RPTOR: variants seen among roughly 807,000 people sequenced by gnomAD.
RPTOR encodes the protein regulatory associated protein of MTOR complex 1.
In RPTOR, 21 loss-of-function variants were observed where a neutral mutation model predicts 169.9. That is an observed-to-expected ratio of 0.12 (90% CI 0.09 to 0.18). RPTOR has a LOEUF of 0.18. Ranked by LOEUF, RPTOR falls within the 10% of genes least tolerant of loss-of-function variation. The pLI is 1.00. For synonymous variants in RPTOR, 732 were observed against 753.2 expected (o/e 0.97, Z 0.46); for missense variants, 1,133 against 1,855.9 (o/e 0.61, Z 7.16).
At chr17:80,577,036 T>C (rs1236031896) in intron 1 of RPTOR, among the ~76,000 whole-genome samples, 1 of 151,304 alleles carries the variant, frequency 6.6e-6, no homozygotes, top group Admixed American at 6.6e-5. Flanking sequence ...CATAATTCTT[T>C]TTTTTTTTTT....
At chr17:80,694,390 A>T (rs1442597740) in intron 3 of RPTOR, among the ~76,000 whole-genome samples, 1 of 152,236 alleles carries the variant, frequency 6.6e-6, no homozygotes, top group Non-Finnish European at 1.5e-5. Context: ...CGCATGGTAG[A>T]TGTTTGTTCT....
chr17:80,801,168 G>C (rs2067152926), intron 7 of RPTOR, among the ~76,000 whole-genome samples: 1 of 152,228 alleles, frequency 6.6e-6, no homozygotes, highest in Admixed American at 6.5e-5. Flanking sequence ...GCTGCTGCTT[G>C]AGAGCACGTG....
chr17:80,844,342 G>C lies in RPTOR; in HGVS notation c.1213-2131G>C, dbSNP rs1160634178. On this transcript the variant is annotated intron_variant, in intron 10 of 33. Coordinates refer to ENST00000306801, the MANE Select transcript of RPTOR (RefSeq NM_020761.3). The surrounding 1 kb of genome is among the most constrained non-coding windows in gnomAD (Gnocchi z 4.7). ...AATTTTTCTCTTTCTGCATGGAGTA[G>C]TGACTCCAGCAGTGAGGAACATGTG... Among the ~76,000 whole-genome samples the C allele has an allele frequency of 6.6e-6, 1 of 152,104 alleles. No individual in the cohort carries two copies.
intron 1 of RPTOR, among the ~76,000 whole-genome samples, chr17:80,555,227 A>G (rs1041735534): frequency 1.8e-4 from 28 of 152,224 alleles, no homozygotes; most frequent in African/African-American, 6.5e-4. Flanking sequence ...TAAAGGCCCT[A>G]ATCTGTTGCC....
chr17:80,756,856 A>T (rs976363532), intron 6 of RPTOR, among the ~76,000 whole-genome samples: 1 of 152,228 alleles, frequency 6.6e-6, no homozygotes, highest in Non-Finnish European at 1.5e-5. Flanking sequence ...TACAAAAAAA[A>T]TTTGTTATAA....
At chr17:80,814,156 A>T (rs77001027) in intron 7 of RPTOR, among the ~76,000 whole-genome samples, 57 of 152,252 alleles carry the variant, frequency 3.7e-4, no homozygotes, top group South Asian at 1.2e-3. Flanking sequence ...TTTTTTTTTC[A>T]TAAGACAGTT....
At chr17:80,862,695 G>A (rs2067932998) in intron 13 of RPTOR, among the ~76,000 whole-genome samples, 1 of 148,532 alleles carries the variant, frequency 6.7e-6, no homozygotes, top group Non-Finnish European at 1.5e-5. Context: ...CCCCCTCCTC[G>A]TGTTGCTGGT....
chr17:80,700,601 GTGATGATGGTGA>G, intron 3 of RPTOR, among the ~76,000 whole-genome samples: 1 of 147,396 alleles, frequency 6.8e-6, no homozygotes, highest in South Asian at 2.3e-4. Flanking sequence ...GGTGGTGATG[GTGATGATGGTGA>G]TGGTGGTGGT....
intron 3 of RPTOR, among the ~76,000 whole-genome samples, chr17:80,658,667 T>C (rs1409546898): frequency 1.3e-5 from 2 of 152,222 alleles, no homozygotes; most frequent in Admixed American, 6.5e-5. Context: ...TGACGCTCAT[T>C]GGAATAGGTT....
rs950535758 is a variant in RPTOR at position 80,820,690 on chromosome 17, T to G, written c.891-1511T>G. ...CTCCTGCGCACAGTGGACATGCTTG[T>G]TCTGAAGCGAGAGCAGACTGGGGAG... On this transcript the variant is annotated intron_variant, in intron 7 of 33. Coordinates refer to ENST00000306801, the MANE Select transcript of RPTOR (RefSeq NM_020761.3). The surrounding 1 kb of genome is among the most constrained non-coding windows in gnomAD (Gnocchi z 4.1). Among the ~76,000 whole-genome samples the G allele has an allele frequency of 1.3e-5, 2 of 152,214 alleles. No homozygotes were observed. The highest frequency in any genetic ancestry group is 4.8e-5 in the African/African-American group (2 of 41,458).
chr17:80,852,971 T>C (rs1045682114), intron 11 of RPTOR, among the ~76,000 whole-genome samples: 4 of 151,964 alleles, frequency 2.6e-5, no homozygotes, highest in Non-Finnish European at 5.9e-5. Flanking sequence ...TTTCTAGAGT[T>C]TGCTTTCCTT....
chr17:80,682,400 G>C (rs756053648), intron 3 of RPTOR, among the ~76,000 whole-genome samples: 2 of 152,172 alleles, frequency 1.3e-5, no homozygotes, highest in African/African-American at 2.4e-5. Context: ...ACTGCACCCA[G>C]CCAGGTTAAG....
chr17:80,852,936 T>C (rs116964131), intron 11 of RPTOR, among the ~76,000 whole-genome samples: 6,495 of 151,776 alleles, frequency 0.043, 176 homozygotes, highest in Non-Finnish European at 0.066. Context: ...CTCTTGAGGG[T>C]TTTCAAACTC....
intron 5 of RPTOR, among the ~76,000 whole-genome samples, chr17:80,742,148 G>A (rs1022648813): frequency 1.3e-5 from 2 of 152,198 alleles, no homozygotes; most frequent in African/African-American, 4.8e-5. Context: ...GATGCCATGT[G>A]GAAGCTCCTG....
chr17:80,895,999 T>C (rs2068394260), intron 20 of RPTOR, among the ~76,000 whole-genome samples: 2 of 152,358 alleles, frequency 1.3e-5, no homozygotes, highest in South Asian at 4.1e-4. Flanking sequence ...TATGATGCCT[T>C]TGGTGCCACA....
intron 26 of RPTOR, among the ~76,000 whole-genome samples, chr17:80,946,912 A>T (rs1164573537): frequency 1.3e-5 from 2 of 152,106 alleles, no homozygotes; most frequent in African/African-American, 4.8e-5. Context: ...TCTGCAGGAA[A>T]TCCTCTTCCC....
Position 80,892,429 on chromosome 17 carries a change from G to A in RPTOR, c.2102-300G>A, listed in dbSNP as rs575532270. ...CGGCTTCCCGGGGAGCACGGCTCAC[G>A]GCCCACGTCACCATGCACCTCGTGT... On this transcript the variant is annotated intron_variant, in intron 18 of 33. Transcript: ENST00000306801. 3.9e-5 allele frequency among the ~76,000 whole-genome samples: 6 copies of A among 152,342 alleles called. No individual in the cohort carries two copies. In the East Asian group the frequency reaches 5.8e-4, roughly 15 times the overall value.
rs908903909 is a variant in RPTOR, at chr17:80,965,673, G to A, written c.*1343G>A. ...CGGCTCTCCTGCGGTGTGGCTGGTG[G>A]CCTGCCGTGGCCAAGAGCATCTTCT... On this transcript the variant is annotated 3_prime_UTR_variant, in exon 34 of 34. Transcript: ENST00000306801. 2 of 233,326 alleles carry A rather than the reference G, an allele frequency of 8.6e-6. No individual in the cohort carries two copies. Among genetic ancestry groups the A allele is most frequent in the Non-Finnish European group, 1.7e-5 (2 of 118,080 alleles). The allele number at this position is 233,326 out of a possible 1,614,324, so 14.5% of individuals were successfully genotyped here. A position where few individuals can be genotyped will look rare whatever the true frequency, so the allele number is the denominator to read the frequency against.
At chr17:80,934,360 CTTGTT>C (rs1171897840) in intron 24 of RPTOR, among the ~76,000 whole-genome samples, 1 of 151,988 alleles carries the variant, frequency 6.6e-6, no homozygotes, top group Non-Finnish European at 1.5e-5. Flanking sequence ...ATGAAGTTTT[CTTGTT>C]TTGTTTTGTT....
Sources: allele counts gnomAD v4.1 joint callset (sites outside exome capture counted in the v4.1 genomes callset), GRCh38; gene constraint gnomAD v4.1.1; non-coding constraint Gnocchi (gnomAD v3.1); transcripts MANE v1.5; gene names NCBI Gene and HGNC (gene_info 2026-07-23, HGNC 2026-07-21).